Variants in PDGFC observed in about 807,000 individuals in gnomAD.
PDGFC encodes platelet derived growth factor C.
In PDGFC, 12 loss-of-function variants were observed where a neutral mutation model predicts 35.5. The ratio of observed to expected loss-of-function variants is 0.34; its 90% CI spans 0.22 to 0.55. The LOEUF is 0.55. Ranked by LOEUF, PDGFC falls within the 20% of genes least tolerant of loss-of-function variation. PDGFC has a pLI of 0.91. For synonymous variants in PDGFC, 159 were observed against 148.8 expected (o/e 1.07, Z -0.50); for missense variants, 322 against 412.4 (o/e 0.78, Z 1.90).
At chr4:156,925,440 C>G (rs1235821571) in intron 1 of PDGFC, among the ~76,000 whole-genome samples, 2 of 152,078 alleles carry the variant, frequency 1.3e-5, no homozygotes, top group African/African-American at 4.8e-5. Context: ...GGGATGCAAT[C>G]AGGGCAGATA....
intron 1 of PDGFC, among the ~76,000 whole-genome samples, chr4:156,937,092 A>G (rs1046950559): frequency 1.3e-5 from 2 of 152,190 alleles, no homozygotes; most frequent in African/African-American, 4.8e-5. Flanking sequence ...AGTCTGAGTG[A>G]AAAAAGCAAG....
intron 1 of PDGFC, among the ~76,000 whole-genome samples, chr4:156,945,338 CATACAT>C (rs1560885352): frequency 1.9e-4 from 7 of 37,458 alleles, no homozygotes; most frequent in South Asian, 9.1e-4. Flanking sequence ...TATACATATA[CATACAT>C]ATATATATAT....
intron 1 of PDGFC, among the ~76,000 whole-genome samples, chr4:156,905,862 TA>T (rs1368677562): frequency 1.3e-5 from 2 of 151,958 alleles, no homozygotes; most frequent in Non-Finnish European, 2.9e-5. Flanking sequence ...TAAAGCAACA[TA>T]ATTGCCATGT....
chr4:156,919,279 G>A (rs1266723789), intron 1 of PDGFC, among the ~76,000 whole-genome samples: 4 of 152,226 alleles, frequency 2.6e-5, no homozygotes, highest in Non-Finnish European at 5.9e-5. Flanking sequence ...AAATGCATGC[G>A]CTTTACATAC....
intron 1 of PDGFC, among the ~76,000 whole-genome samples, chr4:156,874,714 T>G (rs1730070247): frequency 6.6e-6 from 1 of 151,920 alleles, no homozygotes; most frequent in Non-Finnish European, 1.5e-5. Flanking sequence ...CATTTTCTCT[T>G]TTTTTAATTT....
chr4:156,893,112 T>C (rs1190811048), intron 1 of PDGFC, among the ~76,000 whole-genome samples: 1 of 152,164 alleles, frequency 6.6e-6, no homozygotes, highest in Non-Finnish European at 1.5e-5. Flanking sequence ...GGAAACAGAC[T>C]AACAGTATTT....
intron 2 of PDGFC, among the ~76,000 whole-genome samples, chr4:156,838,866 C>T (rs755080910): frequency 2.0e-5 from 3 of 152,046 alleles, no homozygotes; most frequent in Non-Finnish European, 4.4e-5. Context: ...AACACCAGGC[C>T]ATGGGGGCTA....
chr4:156,790,126 T>G (rs1731254003), intron 3 of PDGFC, among the ~76,000 whole-genome samples: 1 of 152,208 alleles, frequency 6.6e-6, no homozygotes, highest in East Asian at 1.9e-4. Flanking sequence ...AATTATTTAT[T>G]TTCTCTGTAT....
intron 1 of PDGFC, among the ~76,000 whole-genome samples, chr4:156,956,162 A>T (rs1380899839): frequency 6.6e-6 from 1 of 152,074 alleles, no homozygotes; most frequent in Non-Finnish European, 1.5e-5. Context: ...AAATTAATTT[A>T]TTGTTTGAAA....
At chr4:156,948,224 A>AG (rs978379028) in intron 1 of PDGFC, among the ~76,000 whole-genome samples, 2 of 151,890 alleles carry the variant, frequency 1.3e-5, no homozygotes, top group Admixed American at 1.3e-4. Flanking sequence ...CTAAAAAAAA[A>AG]AAAAAAAGGA....
chr4:156,851,853 C>T (rs1473578844), intron 1 of PDGFC, among the ~76,000 whole-genome samples: 4 of 147,806 alleles, frequency 2.7e-5, no homozygotes, highest in Non-Finnish European at 4.5e-5. Context: ...ATGGTGTGAA[C>T]CCAGAAGGCG....
chr4:156,855,024 T>G (rs570057097), intron 1 of PDGFC, among the ~76,000 whole-genome samples: 1 of 151,868 alleles, frequency 6.6e-6, no homozygotes, highest in Non-Finnish European at 1.5e-5. Context: ...CTAAAATGAA[T>G]AAAAAATTTA....
chr4:156,860,816 TATC>T (rs1242333414), intron 1 of PDGFC, among the ~76,000 whole-genome samples: 6 of 152,130 alleles, frequency 3.9e-5, no homozygotes, highest in African/African-American at 1.4e-4. Context: ...TTATAGCAGT[TATC>T]ATACTGCAAC....
chr4:156,948,662 G>C (rs541597026), intron 1 of PDGFC, among the ~76,000 whole-genome samples: 2 of 152,034 alleles, frequency 1.3e-5, no homozygotes, highest in East Asian at 3.9e-4. Flanking sequence ...AAAATACTAT[G>C]TATTTTAGAA....
intron 1 of PDGFC, among the ~76,000 whole-genome samples, chr4:156,964,170 T>C (rs1487659030): frequency 6.6e-6 from 1 of 151,874 alleles, no homozygotes; most frequent in African/African-American, 2.4e-5. Flanking sequence ...AAATGAAATG[T>C]TAAAATTATT....
At chr4:156,881,814 C>A (rs547759491) in intron 1 of PDGFC, among the ~76,000 whole-genome samples, 4 of 142,336 alleles carry the variant, frequency 2.8e-5, no homozygotes, top group Non-Finnish European at 6.0e-5. Context: ...AGGGACACAG[C>A]GAGCCTCAGT....
At chr4:156,766,463 A>T (rs1730532858) in intron 5 of PDGFC, among the ~76,000 whole-genome samples, 1 of 152,162 alleles carries the variant, frequency 6.6e-6, no homozygotes, top group African/African-American at 2.4e-5. Context: ...CAATTATTAT[A>T]TCCCATCTCC....
At chr4:156,825,643 A>G (rs1045127195) in intron 2 of PDGFC, among the ~76,000 whole-genome samples, 2 of 146,382 alleles carry the variant, frequency 1.4e-5, no homozygotes, top group Non-Finnish European at 3.0e-5. Flanking sequence ...AAGAAGAAGA[A>G]AAGAAAGAAG....
chr4:156,885,591 G>A (rs1730357940), intron 1 of PDGFC, among the ~76,000 whole-genome samples: 1 of 151,952 alleles, frequency 6.6e-6, no homozygotes, highest in African/African-American at 2.4e-5. Context: ...TTCATTTTGT[G>A]TAATAAGATT....
Sources: gnomAD v4.1 joint callset for allele counts (sites outside exome capture counted in the v4.1 genomes callset) on GRCh38, gnomAD v4.1.1 for gene constraint, MANE v1.5 for transcripts, NCBI Gene and HGNC (gene_info 2026-07-23, HGNC 2026-07-21) for gene names.